The following MYO18B variants were observed in gnomAD, a reference collection of about 807,000 sequenced individuals.
MYO18B encodes the protein unconventional myosin-XVIIIb.
A neutral mutation model predicts 273.0 loss-of-function variants in MYO18B; 204 were observed. That is an observed-to-expected ratio of 0.75 (90% CI 0.67 to 0.84). The LOEUF (loss-of-function observed/expected upper bound fraction) is 0.84. MYO18B is among the 40% of genes least tolerant of loss of function. MYO18B has a pLI of 0.00. For missense variants in MYO18B, 3,212 were observed against 3,287.6 expected (o/e 0.98, Z 0.56); for synonymous variants, 1,330 against 1,305.7 (o/e 1.02, Z -0.40).
intron 39 of MYO18B, chr22:25,965,128 G>C (rs2092963184): frequency 6.6e-6 from 1 of 152,258 alleles, no homozygotes; most frequent in South Asian, 2.1e-4. Flanking sequence ...GTCATAAATA[G>C]TTAATAGGCA....
chr22:25,751,028 T>A (rs2085916775), intron 1 of MYO18B, among the ~76,000 whole-genome samples: 1 of 152,156 alleles, frequency 6.6e-6, no homozygotes, highest in African/African-American at 2.4e-5. Flanking sequence ...CCTGGCTGGG[T>A]GCAAGACACA....
chr22:26,022,362 C>G (rs1375055410), intron 42 of MYO18B, among the ~76,000 whole-genome samples: 2 of 152,034 alleles, frequency 1.3e-5, no homozygotes, highest in Non-Finnish European at 2.9e-5. Context: ...TGGGGATGAT[C>G]ATCCAGCCTC....
chr22:25,772,634 A>T, intron 7 of MYO18B, 124 bp downstream of exon 7: 1 of 987,696 alleles, frequency 1.0e-6, no homozygotes, highest in Middle Eastern at 3.3e-4. Flanking sequence ...TGCAAGCAGC[A>T]TCCTTCTCGC....
intron 11 of MYO18B, among the ~76,000 whole-genome samples, chr22:25,790,771 T>A (rs2087626846): frequency 1.3e-5 from 2 of 152,212 alleles, no homozygotes; most frequent in South Asian, 4.1e-4. Context: ...TCACTAGGTC[T>A]TTGGGGATCT....
intron 28 of MYO18B, 170 bp from the exon 29 acceptor site, chr22:25,898,134 AAGT>A: frequency 3.2e-6 from 2 of 619,862 alleles, no homozygotes; most frequent in Non-Finnish European, 5.4e-6. Context: ...AGGCTCAGAA[AAGT>A]AGCTTCCTGG....
chr22:26,023,215 A>T (rs981384020), intron 42 of MYO18B, among the ~76,000 whole-genome samples: 28 of 151,884 alleles, frequency 1.8e-4, no homozygotes, highest in African/African-American at 6.8e-4. Flanking sequence ...TTCATGCTCT[A>T]GCCTTCCTTC....
chr22:25,820,378 G>T (rs1399176575), intron 12 of MYO18B, among the ~76,000 whole-genome samples: 1 of 152,034 alleles, frequency 6.6e-6, no homozygotes, highest in African/African-American at 2.4e-5. Flanking sequence ...TTCTAGTTTT[G>T]CCATAAGCCA....
chr22:25,970,594 G>A (rs952217387), intron 39 of MYO18B, among the ~76,000 whole-genome samples: 6 of 152,102 alleles, frequency 3.9e-5, no homozygotes, highest in Non-Finnish European at 8.8e-5. Flanking sequence ...TTCCCTAACA[G>A]CATTCTCATC....
chr22:26,032,541 A>T (rs1457363665), downstream of MYO18B, among the ~76,000 whole-genome samples: 13 of 107,592 alleles, frequency 1.2e-4, no homozygotes, highest in African/African-American at 1.6e-4. Context: ...TTTTTTTGAG[A>T]TGGGAGTTTC....
rs571730713 is a variant in MYO18B, at chr22:25,770,966, T to C, written c.1674T>C (p.Asp558=). The change falls in exon 6 of 44, where the codon GAT becomes GAC. Residue 558 remains aspartate, a synonymous_variant. Coordinates refer to ENST00000335473, the MANE Select transcript of MYO18B (RefSeq NM_032608.7). ...CTGACAAAACCATCACTGAGGTGGA[T>C]GAGGAGCATGTCCATCGGGTGAGTC... The part of the protein sequence containing the change: ...IDADKTITEV[D]EEHVHRANPP... 73 of 1,552,066 alleles carry C rather than the reference T, an allele frequency of 4.7e-5. No homozygotes were observed. Among genetic ancestry groups the C allele is most frequent in the Admixed American group, 9.8e-5 (5 of 51,006 alleles).
At chr22:26,031,072 A>C (rs866241568), downstream of MYO18B, 16 of 396,894 alleles carry the variant, frequency 4.0e-5, no homozygotes, top group Middle Eastern at 6.2e-4. Flanking sequence ...ATATATATGC[A>C]TCCTACAAAT....
At chr22:25,950,646 A>C (rs113672002) in intron 37 of MYO18B, among the ~76,000 whole-genome samples, 196 bp downstream of exon 37, 1 of 151,982 alleles carries the variant, frequency 6.6e-6, no homozygotes, top group African/African-American at 2.4e-5. Flanking sequence ...ATCTTGGCTC[A>C]CTGCAACCTC....
chr22:25,832,014 A>G (rs190722829), intron 15 of MYO18B, among the ~76,000 whole-genome samples: 260 of 152,320 alleles, frequency 1.7e-3, no homozygotes, highest in African/African-American at 6.1e-3. Flanking sequence ...GCTCACCATC[A>G]CAAATCGTAA....
At chr22:25,864,200 C>A (rs2090822162) in intron 21 of MYO18B, among the ~76,000 whole-genome samples, 1 of 152,150 alleles carries the variant, frequency 6.6e-6, no homozygotes, top group African/African-American at 2.4e-5. Context: ...GTGGGAGAAC[C>A]TGTAATCAAT....
At chr22:25,912,530 G>C (rs2092178337) in intron 33 of MYO18B, among the ~76,000 whole-genome samples, 1 of 152,180 alleles carries the variant, frequency 6.6e-6, no homozygotes. Flanking sequence ...TAGTCACCAA[G>C]TTGGATCCTT....
intron 1 of MYO18B, among the ~76,000 whole-genome samples, chr22:25,752,466 C>T (rs2085961680): frequency 6.6e-6 from 1 of 151,954 alleles, no homozygotes; most frequent in African/African-American, 2.4e-5. Flanking sequence ...GGATTACAGG[C>T]GTGAGCCACC....
chr22:25,789,991 A>G (rs1184589596), intron 11 of MYO18B, among the ~76,000 whole-genome samples: 1 of 152,186 alleles, frequency 6.6e-6, no homozygotes, highest in Non-Finnish European at 1.5e-5. Flanking sequence ...TGTCTCTACT[A>G]AAAATACAAA....
intron 12 of MYO18B, among the ~76,000 whole-genome samples, chr22:25,804,083 G>A (rs77286836): frequency 0.067 from 10,026 of 150,648 alleles, 575 homozygotes; most frequent in East Asian, 0.21. Flanking sequence ...ACAAAAACAC[G>A]CCAACACTGG....
intron 34 of MYO18B, among the ~76,000 whole-genome samples, chr22:25,928,553 T>A (rs1180385751): frequency 6.6e-6 from 1 of 152,078 alleles, no homozygotes; most frequent in Non-Finnish European, 1.5e-5. Flanking sequence ...TCATTGCCCC[T>A]GCATCTAGAA....
Sources: gnomAD v4.1 joint callset for allele counts (sites outside exome capture counted in the v4.1 genomes callset) on GRCh38, gnomAD v4.1.1 for gene constraint, MANE v1.5 for transcripts, NCBI Gene and HGNC (gene_info 2026-07-23, HGNC 2026-07-21) for gene names.